Variants in MRPS27 observed in about 807,000 individuals in gnomAD.
The protein encoded by MRPS27 is small ribosomal subunit protein mS27.
Under a neutral mutation model 48.9 loss-of-function variants are expected in MRPS27, and 43 were observed. The observed-to-expected ratio is 0.88, with a 90% CI of 0.69 to 1.13. MRPS27 has a LOEUF of 1.13. Among genes scored for constraint, MRPS27 ranks in the 50% most tolerant of loss-of-function variants. The pLI, the probability that MRPS27 is intolerant of heterozygous loss-of-function variation, is 0.00. For missense variants in MRPS27, 467 were observed against 476.3 expected, an observed-to-expected ratio of 0.98 and a Z score of 0.18; for synonymous variants, 188 against 171.9, an observed-to-expected ratio of 1.09 and a Z score of -0.73.
rs115003311 is a variant in MRPS27, at chr5:72,262,874, G to A, written c.282-24746C>T. Among the ~76,000 whole-genome samples, 580 of 152,102 alleles carry A rather than the reference G, an allele frequency of 3.8e-3. 1 individual carries two copies. The highest frequency in any genetic ancestry group is 0.013 in the African/African-American group (550 of 41,490). On this transcript the variant is annotated intron_variant, in intron 4 of 10. Transcript: ENST00000261413. ...CACCCTTGAACTCCTGGGCTCAAAC[G>A]ATCTTCCCGCCTTGGCCTCCCAAAG...
chr5:72,264,358 T>A (rs1749056513), intron 4 of MRPS27, among the ~76,000 whole-genome samples: 1 of 152,218 alleles, frequency 6.6e-6, no homozygotes, highest in Non-Finnish European at 1.5e-5. Flanking sequence ...ACTGAGTTGT[T>A]CATTTTATGG....
intron 4 of MRPS27, among the ~76,000 whole-genome samples, chr5:72,286,680 A>G (rs190437790): frequency 6.6e-6 from 1 of 152,340 alleles, no homozygotes; most frequent in East Asian, 1.9e-4. Flanking sequence ...AATATAAAAA[A>G]TAAATGCAGT....
At chr5:72,238,461 G>A (rs1748263467) in intron 4 of MRPS27, among the ~76,000 whole-genome samples, 1 of 152,136 alleles carries the variant, frequency 6.6e-6, no homozygotes, top group Non-Finnish European at 1.5e-5. Flanking sequence ...TATTTCATTA[G>A]AAGAGACGTG....
chr5:72,254,482 A>T (rs996859814), intron 4 of MRPS27, among the ~76,000 whole-genome samples: 4 of 152,240 alleles, frequency 2.6e-5, no homozygotes, highest in African/African-American at 9.6e-5. Context: ...TTGGGAATTC[A>T]CACTAAACAC....
Position 72,221,049 on chromosome 5 carries a change from C to T in MRPS27, c.1105G>A (p.Ala369Thr), listed in dbSNP as rs1302896813. ...TGCTCATAGGTGGCGATGTCCTCTGCTTCACAGGTGGAGAGTTTTTCCTTG... is the reference window on the plus strand; with the variant it reads ...TGCTCATAGGTGGCGATGTCCTCTGTTTCACAGGTGGAGAGTTTTTCCTTG... The part of the protein sequence containing the change: ...LVKEKLSTCE[A>T]EDIATYEQNL... The change falls in exon 11 of 11, where the codon GCA (alanine) becomes ACA (threonine). Residue 369 changes from alanine to threonine, a missense_variant. Physicochemically the swap from Ala to Thr is moderately conservative, Grantham distance 58. Coordinates refer to ENST00000261413, the MANE Select transcript of MRPS27 (RefSeq NM_015084.3). 2 of 1,614,212 alleles carry T rather than the reference C, an allele frequency of 1.2e-6. No individual in the cohort carries two copies. The highest frequency in any genetic ancestry group is 3.3e-5 in the Admixed American group (2 of 60,032).
In MRPS27 at chr5:72,314,124, G is replaced by T; in HGVS notation, c.108C>A (p.Asp36Glu). 4 of 1,613,078 alleles carry T rather than the reference G, an allele frequency of 2.5e-6. No homozygotes were observed. The South Asian group carries it at 3.3e-5, about 13-fold the overall frequency. Residue 36 changes from aspartate to glutamate, a missense_variant, in exon 2 of 11, where the codon GAC becomes GAA. Coordinates refer to ENST00000261413, the MANE Select transcript of MRPS27 (RefSeq NM_015084.3). ...KRYLLSSAYV[D>E]SHKWEAREKE... ...TTTCTCTTGCTTCCCATTTGTGGCT[G>T]TCTACATAGGCTGAAGAAAGCAGGT...
At chr5:72,312,744 C>T (rs374687597) in intron 2 of MRPS27, among the ~76,000 whole-genome samples, 1 of 151,844 alleles carries the variant, frequency 6.6e-6, no homozygotes, top group African/African-American at 2.4e-5. Context: ...CCTCAGCCTC[C>T]GGAGTAGCTG....
At chr5:72,290,792 A>C (rs1749797202) in intron 4 of MRPS27, among the ~76,000 whole-genome samples, 1 of 152,230 alleles carries the variant, frequency 6.6e-6, no homozygotes, top group Non-Finnish European at 1.5e-5. Flanking sequence ...GGGATATAAA[A>C]ATTCTTTTAA....
chr5:72,255,493 C>T (rs983085976), intron 4 of MRPS27, among the ~76,000 whole-genome samples: 2 of 152,162 alleles, frequency 1.3e-5, no homozygotes, highest in Non-Finnish European at 2.9e-5. Flanking sequence ...ACTACTTTAC[C>T]ATTGTTCAAT....
At chr5:72,228,665 C>A in intron 7 of MRPS27, 1 of 245,958 alleles carries the variant, frequency 4.1e-6, no homozygotes, top group Non-Finnish European at 7.7e-6. Context: ...AATGAATAAG[C>A]GTTTCTTTTA....
intron 4 of MRPS27, among the ~76,000 whole-genome samples, chr5:72,279,655 C>CAACAA (rs374116282): frequency 1.6e-4 from 24 of 151,982 alleles, no homozygotes; most frequent in African/African-American, 3.1e-4. Context: ...TCATGGAAGA[C>CAACAA]AACAAAACAA....
chr5:72,228,639 T>G (rs1176748996), intron 7 of MRPS27: 6 of 292,412 alleles, frequency 2.1e-5, no homozygotes, highest in Non-Finnish European at 3.1e-5. Context: ...ATCTTATTAT[T>G]TTCCAAAAAT....
At chr5:72,260,925 G>C (rs1200403273) in intron 4 of MRPS27, among the ~76,000 whole-genome samples, 2 of 152,024 alleles carry the variant, frequency 1.3e-5, no homozygotes, top group African/African-American at 4.8e-5. Flanking sequence ...GTGTAGTGGC[G>C]TGATCTCAGC....
chr5:72,239,373 G>C (rs1056448916), intron 4 of MRPS27, among the ~76,000 whole-genome samples: 2 of 152,180 alleles, frequency 1.3e-5, no homozygotes, highest in African/African-American at 2.4e-5. Context: ...TCTGGTGAGA[G>C]ATTTGGCAAA....
chr5:72,259,574 G>A (rs1311312664), intron 4 of MRPS27, among the ~76,000 whole-genome samples: 2 of 151,658 alleles, frequency 1.3e-5, no homozygotes, highest in African/African-American at 2.4e-5. Context: ...AAACAAATAT[G>A]GTAATTTTCA....
chr5:72,255,151 A>G (rs1335846200), intron 4 of MRPS27, among the ~76,000 whole-genome samples: 1 of 148,826 alleles, frequency 6.7e-6, no homozygotes, highest in Non-Finnish European at 1.5e-5. Flanking sequence ...TGGAGAATCA[A>G]GAGATTCTCC....
chr5:72,269,392 T>A (rs1749178302), intron 4 of MRPS27, among the ~76,000 whole-genome samples: 1 of 152,218 alleles, frequency 6.6e-6, no homozygotes, highest in African/African-American at 2.4e-5. Context: ...CAAACAGGTA[T>A]CTGACTAATA....
At chr5:72,249,348 C>T (rs1337130136) in intron 4 of MRPS27, among the ~76,000 whole-genome samples, 1 of 152,216 alleles carries the variant, frequency 6.6e-6, no homozygotes, top group Non-Finnish European at 1.5e-5. Context: ...GAAGAATAAA[C>T]ATCTCCTTGC....
At chr5:72,270,810 C>T (rs1749221685) in intron 4 of MRPS27, among the ~76,000 whole-genome samples, 1 of 152,038 alleles carries the variant, frequency 6.6e-6, no homozygotes, top group Admixed American at 6.5e-5. Context: ...GGGAATTCAT[C>T]CCAAGAACGC....
Sources: allele counts gnomAD v4.1 joint callset (sites outside exome capture counted in the v4.1 genomes callset), GRCh38; gene constraint gnomAD v4.1.1; transcripts MANE v1.5; gene names NCBI Gene and HGNC (gene_info 2026-07-23, HGNC 2026-07-21).